Variants in SYNPO2 observed in about 807,000 individuals in gnomAD.
SYNPO2 encodes synaptopodin 2.
A neutral mutation model predicts 85.0 loss-of-function variants in SYNPO2; 56 were observed. That is an observed-to-expected ratio of 0.66 (90% CI 0.53 to 0.82). The LOEUF (loss-of-function observed/expected upper bound fraction) is 0.82. Ranked by LOEUF, SYNPO2 falls within the 40% of genes least tolerant of loss-of-function variation. SYNPO2 has a pLI of 0.00. For synonymous variants in SYNPO2, 602 were observed against 591.1 expected (o/e 1.02, Z -0.27); for missense variants, 1,575 against 1,534.2 (o/e 1.03, Z -0.44).
chr4:118,898,404 C>A (rs927629932), intron 1 of SYNPO2, among the ~76,000 whole-genome samples: 1 of 152,116 alleles, frequency 6.6e-6, no homozygotes, highest in African/African-American at 2.4e-5. Flanking sequence ...TGAGTTCATG[C>A]TACAGAGAGC....
chr4:118,855,977 A>G (rs1284584071), intron 1 of SYNPO2, among the ~76,000 whole-genome samples: 1 of 152,086 alleles, frequency 6.6e-6, no homozygotes. Flanking sequence ...GCAGTGTTTC[A>G]TAAGCAGCCT....
intron 1 of SYNPO2, among the ~76,000 whole-genome samples, chr4:118,967,310 G>A (rs1227457999): frequency 2.6e-5 from 4 of 151,994 alleles, no homozygotes; most frequent in South Asian, 2.1e-4. Context: ...TATGATTTTC[G>A]TCGAGCCACC....
At chr4:119,041,457 A>G (rs375081306) in intron 4 of SYNPO2, among the ~76,000 whole-genome samples, 4 of 152,030 alleles carry the variant, frequency 2.6e-5, no homozygotes, top group African/African-American at 9.7e-5. Context: ...TCCTTCCACA[A>G]TTAGATCTTT....
intron 1 of SYNPO2, among the ~76,000 whole-genome samples, chr4:118,870,214 G>A (rs1731777442): frequency 6.6e-6 from 1 of 152,200 alleles, no homozygotes; most frequent in Non-Finnish European, 1.5e-5. Context: ...ACTTTTGCAG[G>A]AAGCCTGCTG....
intron 4 of SYNPO2, chr4:119,038,503 T>A: frequency 4.1e-6 from 4 of 985,338 alleles, no homozygotes; most frequent in Non-Finnish European, 4.8e-6. Context: ...TAAAGCATAA[T>A]CAAACTCTGC....
At chr4:118,999,600 CATGTATTTATTT>C (rs139205270) in intron 1 of SYNPO2, among the ~76,000 whole-genome samples, 11,756 of 152,100 alleles carry the variant, frequency 0.077, 590 homozygotes, top group Middle Eastern at 0.12. Flanking sequence ...TGTATGTATG[CATGTATTTATTT>C]ATGTAGAGAT....
intron 1 of SYNPO2, among the ~76,000 whole-genome samples, chr4:118,953,600 C>CTT (rs113548655): frequency 5.8e-4 from 86 of 148,094 alleles, no homozygotes; most frequent in Admixed American, 2.5e-3. Flanking sequence ...GAACTGTAGC[C>CTT]TTTTTTTTTT....
chr4:118,971,865 CCA>C (rs892676716), intron 1 of SYNPO2, among the ~76,000 whole-genome samples: 4 of 14,850 alleles, frequency 2.7e-4, no homozygotes, highest in Non-Finnish European at 4.1e-4. Flanking sequence ...TTATGTTCTC[CCA>C]TCCATGAGAG....
intron 1 of SYNPO2, among the ~76,000 whole-genome samples, chr4:118,856,001 C>A (rs1187749600): frequency 6.6e-6 from 1 of 152,118 alleles, no homozygotes; most frequent in African/African-American, 2.4e-5. Context: ...CATCAGAACT[C>A]CCAGAAAAAT....
intron 1 of SYNPO2, among the ~76,000 whole-genome samples, chr4:118,864,904 G>A (rs1419603979): frequency 6.6e-6 from 1 of 152,116 alleles, no homozygotes; most frequent in Non-Finnish European, 1.5e-5. Context: ...GTAAGATACT[G>A]ATAGCTACAT....
intron 4 of SYNPO2, among the ~76,000 whole-genome samples, chr4:119,056,278 C>T (rs1272186777): frequency 6.6e-6 from 1 of 152,140 alleles, no homozygotes; most frequent in Admixed American, 6.5e-5. Flanking sequence ...TGTAGCCAGG[C>T]ACCGGGGCTC....
At position 119,030,342 on chromosome 4, in the gene SYNPO2, G is replaced by A; in HGVS notation, c.1567G>A (p.Asp523Asn). Residue 523 changes from aspartate to asparagine, a missense_variant, in exon 4 of 5, where the codon GAT (aspartate) becomes AAT (asparagine). Asp to Asn is a conservative substitution (Grantham distance 23, BLOSUM62 1). Around this residue, in one of 3 missense-constraint regions of SYNPO2, gnomAD observed 1,508 missense variants for 1,446.8 expected, o/e 1.04. Coordinates refer to ENST00000307142, the MANE Select transcript of SYNPO2 (RefSeq NM_133477.3). ...AGGTGGAACGCCAAGCAGAGAACAA[G>A]ATGCTGCCCAGACCGATGGCCTGAG... ...KVGGTPSREQ[D>N]AAQTDGLRTT... is the part of the protein sequence containing the mutation. 2 of 1,614,122 alleles carry A rather than the reference G, an allele frequency of 1.2e-6. No homozygotes were observed. Among genetic ancestry groups the A allele is most frequent in the Non-Finnish European group, 8.5e-7 (1 of 1,180,022 alleles).
intron 4 of SYNPO2, chr4:119,034,104 A>T: frequency 1.0e-6 from 1 of 985,438 alleles, no homozygotes; most frequent in Non-Finnish European, 1.2e-6. Context: ...TATATAACAC[A>T]GTTGTTTGTA....
Position 118,902,802 on chromosome 4 carries a change from A to G in SYNPO2, c.105+13661A>G, listed in dbSNP as rs1283859300. Among the ~76,000 whole-genome samples the G allele has an allele frequency of 2.6e-5, 4 of 152,326 alleles. No homozygotes were observed. The South Asian group carries it at 6.2e-4, about 24-fold the overall frequency. Reference sequence around the variant, plus strand: ...ATACCTAGATCCTGTTTAGATCTGTACTAGATCACTTAGTACTTAGAAAAC... The same window carrying G: ...ATACCTAGATCCTGTTTAGATCTGTGCTAGATCACTTAGTACTTAGAAAAC... On this transcript the variant is annotated intron_variant, in intron 1 of 4. Transcript: ENST00000307142.
At chr4:118,911,611 C>T (rs1042250345) in intron 1 of SYNPO2, among the ~76,000 whole-genome samples, 2 of 152,098 alleles carry the variant, frequency 1.3e-5, no homozygotes, top group Admixed American at 1.3e-4. Flanking sequence ...ACTCTATAGT[C>T]TCTGTAGTTT....
chr4:118,974,723 A>T (rs1381856848), intron 1 of SYNPO2, among the ~76,000 whole-genome samples: 2 of 152,160 alleles, frequency 1.3e-5, no homozygotes, highest in African/African-American at 4.8e-5. Context: ...TACCAACAGC[A>T]TCACCATTAT....
At chr4:118,976,237 C>T (rs887651417) in intron 1 of SYNPO2, among the ~76,000 whole-genome samples, 1 of 152,084 alleles carries the variant, frequency 6.6e-6, no homozygotes, top group South Asian at 2.1e-4. Flanking sequence ...CGTGGTCTCG[C>T]TGGCTCAGGA....
At chr4:118,990,605 T>TTTTG (rs59494491) in intron 1 of SYNPO2, among the ~76,000 whole-genome samples, 1 of 151,762 alleles carries the variant, frequency 6.6e-6, no homozygotes, top group Non-Finnish European at 1.5e-5. Context: ...GATAATTGGT[T>TTTTG]TTTGTTTGTT....
At chr4:118,892,154 A>G (rs1732397772) in intron 1 of SYNPO2, among the ~76,000 whole-genome samples, 1 of 152,196 alleles carries the variant, frequency 6.6e-6, no homozygotes, top group Non-Finnish European at 1.5e-5. Context: ...TGGTTGAACT[A>G]TACGCAAACC....
Sources: allele counts gnomAD v4.1 joint callset (sites outside exome capture counted in the v4.1 genomes callset), GRCh38; gene constraint gnomAD v4.1.1; regional missense constraint gnomAD v4.1.1; transcripts MANE v1.5; gene names NCBI Gene and HGNC (gene_info 2026-07-23, HGNC 2026-07-21).